TMTC2: variants seen among roughly 807,000 people sequenced by gnomAD.
TMTC2 encodes the protein protein O-mannosyl-transferase TMTC2.
In TMTC2, 43 loss-of-function variants were observed where a neutral mutation model predicts 82.4. That is an observed-to-expected ratio of 0.52 (90% CI 0.41 to 0.67). The LOEUF is 0.67. Ranked by LOEUF, TMTC2 falls within the 30% of genes least tolerant of loss-of-function variation. TMTC2 has a pLI of 0.00. For synonymous variants in TMTC2, 408 were observed against 381.9 expected (o/e 1.07, Z -0.80); for missense variants, 919 against 1,012.4 (o/e 0.91, Z 1.25).
intron 1 of TMTC2, among the ~76,000 whole-genome samples, chr12:82,836,545 G>A (rs1019108446): frequency 7.9e-5 from 12 of 152,152 alleles, no homozygotes; most frequent in African/African-American, 2.9e-4. Flanking sequence ...AGCCGGAAAA[G>A]GCAAGGAACT....
At chr12:82,913,521 A>G (rs1174558106) in intron 3 of TMTC2, among the ~76,000 whole-genome samples, 1 of 152,204 alleles carries the variant, frequency 6.6e-6, no homozygotes, top group East Asian at 1.9e-4. Flanking sequence ...TAATCTGACA[A>G]GATTATTTAA....
intron 11 of TMTC2, among the ~76,000 whole-genome samples, chr12:83,100,601 A>G (rs1437458992): frequency 6.6e-6 from 1 of 152,128 alleles, no homozygotes; most frequent in Non-Finnish European, 1.5e-5. Flanking sequence ...CCATTTGATA[A>G]TAAGTTTATC....
At chr12:82,737,838 A>G (rs1295840787) in intron 1 of TMTC2, among the ~76,000 whole-genome samples, 1 of 152,180 alleles carries the variant, frequency 6.6e-6, no homozygotes, top group African/African-American at 2.4e-5. Context: ...TATCTTTCTA[A>G]TGCTGTTTCT....
chr12:82,817,272 A>G (rs1456848584), intron 1 of TMTC2, among the ~76,000 whole-genome samples: 1 of 151,536 alleles, frequency 6.6e-6, no homozygotes, highest in Non-Finnish European at 1.5e-5. Flanking sequence ...CCCGGCTAGA[A>G]TTTTTCTTTA....
At chr12:83,024,310 C>T (rs893813231) in intron 8 of TMTC2, among the ~76,000 whole-genome samples, 1 of 152,068 alleles carries the variant, frequency 6.6e-6, no homozygotes, top group African/African-American at 2.4e-5. Flanking sequence ...AAATGATGGT[C>T]ATCACAAATT....
intron 8 of TMTC2, among the ~76,000 whole-genome samples, chr12:83,003,997 G>A (rs1880037537): frequency 6.6e-6 from 1 of 151,986 alleles, no homozygotes; most frequent in Non-Finnish European, 1.5e-5. Context: ...TTCTCTCTCA[G>A]GAATGCCAGT....
intron 11 of TMTC2, among the ~76,000 whole-genome samples, chr12:83,122,631 C>A (rs1884990428): frequency 6.6e-6 from 1 of 152,196 alleles, no homozygotes; most frequent in Admixed American, 6.5e-5. Flanking sequence ...CGGATGACCT[C>A]CTTTTCCCAC....
rs547003398 is a variant in TMTC2, at chr12:83,006,551, C to T, written c.2070+20505C>T. 1.5e-3 allele frequency among the ~76,000 whole-genome samples: 223 copies of T among 152,228 alleles called. 1 individual carries two copies. Among genetic ancestry groups the T allele is most frequent in the African/African-American group, 5.2e-3 (216 of 41,530 alleles). On this transcript the variant is annotated intron_variant, in intron 8 of 11. Transcript: ENST00000321196. ...TGTGGAAGACATTGTGGCGATTCCTCAAGGATCTAGAACTAGAAATACCAT... is the reference window on the plus strand; with the variant it reads ...TGTGGAAGACATTGTGGCGATTCCTTAAGGATCTAGAACTAGAAATACCAT...
At chr12:82,720,097 C>A (rs10862497) in intron 1 of TMTC2, among the ~76,000 whole-genome samples, 127,272 of 152,070 alleles carry the variant, frequency 0.84, 53,622 homozygotes, top group Non-Finnish European at 0.88. Context: ...TACAGTTCAC[C>A]CATTTAAACT....
At chr12:83,067,312 G>A (rs1425791999) in intron 11 of TMTC2, among the ~76,000 whole-genome samples, 1 of 151,932 alleles carries the variant, frequency 6.6e-6, no homozygotes, top group African/African-American at 2.4e-5. Context: ...CAGTAATGAT[G>A]TTTGGAAATA....
rs1885315416 is a variant in TMTC2, at chr12:83,133,027, CTT to C, written c.*642_*643del. The C allele has an allele frequency of 1.3e-5, 2 of 152,166 alleles. No homozygotes were observed. Among genetic ancestry groups the C allele is most frequent in the African/African-American group, 4.8e-5 (2 of 41,404 alleles). The allele number at this position is 152,166 out of a possible 1,614,324, so 9.4% of individuals were successfully genotyped here. ...GCTTCATTCTTTTGGACATCATTTG[CTT>C]TTTATGTTCTGAAAAGGATATGGAG... is the stretch of plus-strand genomic sequence containing the variant. On this transcript the variant is annotated 3_prime_UTR_variant, in exon 12 of 12. Coordinates refer to ENST00000321196, the MANE Select transcript of TMTC2 (RefSeq NM_152588.3).
At chr12:83,020,421 A>G (rs1042930982) in intron 8 of TMTC2, among the ~76,000 whole-genome samples, 1 of 152,228 alleles carries the variant, frequency 6.6e-6, no homozygotes, top group African/African-American at 2.4e-5. Flanking sequence ...AAGTCTGAAA[A>G]CAGCATATTT....
chr12:82,763,545 A>G (rs1157696706), intron 1 of TMTC2, among the ~76,000 whole-genome samples: 2 of 152,222 alleles, frequency 1.3e-5, no homozygotes, highest in Non-Finnish European at 2.9e-5. Context: ...AAGTAAATAA[A>G]CTGAAGAACT....
In TMTC2 at chr12:82,981,000, G is replaced by A. The variant is rs10778922; in HGVS notation, c.1949-4925G>A. The stretch of plus-strand genomic sequence containing the variant: ...AACACTGATAAATTATTTCTTTGTC[G>A]CTAGATTGTAAGTAGGAACAAATGA... On this transcript the variant is annotated intron_variant, in intron 7 of 11. Transcript: ENST00000321196. 6.7e-3 allele frequency among the ~76,000 whole-genome samples: 1,013 copies of A among 151,706 alleles called. 16 individuals carry two copies. Among genetic ancestry groups the A allele is most frequent in the African/African-American group, 0.023 (953 of 41,388 alleles).
intron 8 of TMTC2, among the ~76,000 whole-genome samples, chr12:82,988,674 A>G (rs1879275035): frequency 1.3e-5 from 2 of 151,830 alleles, no homozygotes; most frequent in South Asian, 4.2e-4. Flanking sequence ...TACCAGCAAC[A>G]CAGAGTTTAC....
chr12:82,979,547 AGTT>A (rs1441979235), intron 7 of TMTC2, among the ~76,000 whole-genome samples: 2 of 151,664 alleles, frequency 1.3e-5, no homozygotes, highest in African/African-American at 4.8e-5. Context: ...TGTCTCGAAT[AGTT>A]GTTGTAGTTA....
At chr12:82,999,119 C>G (rs2137363612) in intron 8 of TMTC2, among the ~76,000 whole-genome samples, 1 of 152,212 alleles carries the variant, frequency 6.6e-6, no homozygotes, top group South Asian at 2.1e-4. Flanking sequence ...GTTCCAGGAT[C>G]CCATTTAGGA....
intron 1 of TMTC2, among the ~76,000 whole-genome samples, chr12:82,809,688 A>G (rs545063523): frequency 6.6e-6 from 1 of 152,228 alleles, no homozygotes; most frequent in Non-Finnish European, 1.5e-5. Flanking sequence ...TGGAGGCAGG[A>G]GCAGATTCTG....
At chr12:83,089,053 C>T (rs956134817) in intron 11 of TMTC2, among the ~76,000 whole-genome samples, 24 of 152,128 alleles carry the variant, frequency 1.6e-4, no homozygotes, top group South Asian at 2.1e-4. Flanking sequence ...ACGGGGGAAA[C>T]TAAATAAGCA....
Sources: allele counts gnomAD v4.1 joint callset (sites outside exome capture counted in the v4.1 genomes callset), GRCh38; gene constraint gnomAD v4.1.1; transcripts MANE v1.5; gene names NCBI Gene and HGNC (gene_info 2026-07-23, HGNC 2026-07-21).